The following GALNT13 variants were observed in gnomAD, a reference collection of about 807,000 sequenced individuals.
The protein encoded by GALNT13 is polypeptide N-acetylgalactosaminyltransferase 13.
Under a neutral mutation model 64.2 loss-of-function variants are expected in GALNT13, and 28 were observed. The observed-to-expected ratio is 0.44, with a 90% confidence interval of 0.32 to 0.60. The LOEUF is 0.60. Among genes scored for constraint, GALNT13 ranks in the 20% least tolerant of loss-of-function variants. GALNT13 has a pLI of 0.05. For synonymous variants in GALNT13, 214 were observed against 224.6 expected (o/e 0.95, Z 0.42); for missense variants, 577 against 669.8 (o/e 0.86, Z 1.53).
chr2:153,848,024 G>C, the GALNT13 span, among the ~76,000 whole-genome samples: 2 of 152,092 alleles, frequency 1.3e-5, no homozygotes, highest in Admixed American at 1.3e-4. Context: ...TCTGTTCCCG[G>C]GAGATGGAAA....
chr2:153,541,974 G>A, the GALNT13 span, among the ~76,000 whole-genome samples: 2 of 152,084 alleles, frequency 1.3e-5, no homozygotes, highest in Admixed American at 1.3e-4. Context: ...AAGGGTGAAG[G>A]GGATATTTTC....
chr2:153,739,405 C>A, the GALNT13 span, among the ~76,000 whole-genome samples: 4 of 151,104 alleles, frequency 2.6e-5, no homozygotes, highest in Non-Finnish European at 4.4e-5. Flanking sequence ...ACTCTGTATT[C>A]TTGTGTGCAA....
At chr2:153,478,288 T>G in the GALNT13 span, 1 of 1,614,072 alleles carries the variant, frequency 6.2e-7, no homozygotes, top group Non-Finnish European at 8.5e-7. Context: ...CCTCCGGTCC[T>G]TCACGAGGAA....
chr2:154,212,198 G>C (rs1186543509), intron 4 of GALNT13, among the ~76,000 whole-genome samples: 1 of 152,050 alleles, frequency 6.6e-6, no homozygotes, highest in African/African-American at 2.4e-5. Flanking sequence ...AAAATGTTTT[G>C]TGGCAGGGGT....
At chr2:153,478,800 G>A in the GALNT13 span, 1 of 464,146 alleles carries the variant, frequency 2.2e-6, no homozygotes. Flanking sequence ...GCTCGTTCCC[G>A]GCGCTCGCTC....
At chr2:153,493,691 A>AT in the GALNT13 span, among the ~76,000 whole-genome samples, 2 of 152,014 alleles carry the variant, frequency 1.3e-5, no homozygotes, top group Non-Finnish European at 2.9e-5. Context: ...CAAAAATAAA[A>AT]TCATTATAGA....
At chr2:153,669,215 C>A in the GALNT13 span, among the ~76,000 whole-genome samples, 9 of 152,170 alleles carry the variant, frequency 5.9e-5, no homozygotes, top group Admixed American at 5.2e-4. Context: ...CCTCCCCATA[C>A]CACTTTGTTA....
intron 9 of GALNT13, among the ~76,000 whole-genome samples, chr2:154,385,012 G>C (rs576871894): frequency 6.9e-6 from 1 of 144,532 alleles, no homozygotes; most frequent in Non-Finnish European, 1.5e-5. Flanking sequence ...ACATGCTAAA[G>C]CAGTGACGAC....
chr2:153,179,736 T>G, the GALNT13 span, among the ~76,000 whole-genome samples: 2 of 152,156 alleles, frequency 1.3e-5, no homozygotes, highest in African/African-American at 4.8e-5. Flanking sequence ...CATTAACATT[T>G]TATAGTTTTC....
chr2:153,801,008 A>T, the GALNT13 span, among the ~76,000 whole-genome samples: 1 of 152,176 alleles, frequency 6.6e-6, no homozygotes, highest in East Asian at 1.9e-4. Context: ...TCTTTCCTTA[A>T]ATCTCATGAA....
intron 8 of GALNT13, among the ~76,000 whole-genome samples, chr2:154,293,878 TGAC>T (rs1418461317): frequency 1.3e-5 from 2 of 152,238 alleles, no homozygotes; most frequent in Non-Finnish European, 2.9e-5. Flanking sequence ...TCTAAATATA[TGAC>T]ATTTATCTGG....
At chr2:154,123,912 G>C (rs1009242630) in intron 3 of GALNT13, among the ~76,000 whole-genome samples, 14 of 152,018 alleles carry the variant, frequency 9.2e-5, no homozygotes, top group African/African-American at 3.4e-4. Context: ...AGAGTACAAT[G>C]CATATTTTCT....
At chr2:153,740,462 T>A in the GALNT13 span, among the ~76,000 whole-genome samples, 2 of 152,234 alleles carry the variant, frequency 1.3e-5, no homozygotes, top group African/African-American at 2.4e-5. Context: ...TACTTTTTCA[T>A]TAATTGCAAG....
the GALNT13 span, among the ~76,000 whole-genome samples, chr2:153,177,801 T>G: frequency 6.6e-6 from 1 of 152,092 alleles, no homozygotes; most frequent in Non-Finnish European, 1.5e-5. Context: ...ACTGTATAAT[T>G]TATAGCAAAA....
chr2:153,924,914 C>A (rs1299184822), intron 2 of GALNT13, among the ~76,000 whole-genome samples: 2 of 151,702 alleles, frequency 1.3e-5, no homozygotes, highest in African/African-American at 4.8e-5. Context: ...TTGTTTTTGG[C>A]TTGTAAATTT....
rs754312137 is a variant in GALNT13 at position 153,970,827 on chromosome 2, G to T, written c.142+26188G>T. Reference sequence around the variant, plus strand: ...TCCTTTTCTCTCCCATTTCACATTAGCACATCCTGTTTGCATTATTATATG... The same window carrying T: ...TCCTTTTCTCTCCCATTTCACATTATCACATCCTGTTTGCATTATTATATG... On this transcript the variant is annotated intron_variant, in intron 3 of 12. Coordinates refer to ENST00000392825, the MANE Select transcript of GALNT13 (RefSeq NM_052917.4). Among the ~76,000 whole-genome samples, 5 of 152,136 alleles carry T rather than the reference G, an allele frequency of 3.3e-5. No individual in the cohort carries two copies. In the South Asian group the frequency reaches 6.2e-4, roughly 19 times the overall value.
At chr2:153,985,209 T>G (rs1694717573) in intron 3 of GALNT13, among the ~76,000 whole-genome samples, 1 of 152,066 alleles carries the variant, frequency 6.6e-6, no homozygotes, top group Non-Finnish European at 1.5e-5. Flanking sequence ...TAAATATGCC[T>G]ATTATTTGTA....
chr2:153,459,330 G>C, the GALNT13 span, among the ~76,000 whole-genome samples: 3 of 151,896 alleles, frequency 2.0e-5, no homozygotes, highest in African/African-American at 7.3e-5. Context: ...GATTACAAAA[G>C]AATCTGCCAG....
chr2:153,352,146 G>C, the GALNT13 span, among the ~76,000 whole-genome samples: 4 of 152,016 alleles, frequency 2.6e-5, no homozygotes, highest in African/African-American at 9.7e-5. Context: ...CTGCATTATG[G>C]CTATTCTAAT....
Sources: gnomAD v4.1 joint callset for allele counts (sites outside exome capture counted in the v4.1 genomes callset) on GRCh38, gnomAD v4.1.1 for gene constraint, MANE v1.5 for transcripts, NCBI Gene and HGNC (gene_info 2026-07-23, HGNC 2026-07-21) for gene names.